The following HSD17B13 variants were observed in gnomAD, a reference collection of about 807,000 sequenced individuals.
HSD17B13 encodes the protein hydroxysteroid 17-beta dehydrogenase 13, also known as 17-beta-hydroxysteroid dehydrogenase 13.
Under a neutral mutation model 31.1 loss-of-function variants are expected in HSD17B13, and 26 were observed. The ratio of observed to expected loss-of-function variants is 0.84; its 90% CI spans 0.61 to 1.16. The LOEUF (loss-of-function observed/expected upper bound fraction) is 1.16, where lower values mean the gene tolerates loss of function less well. Ranked by LOEUF, HSD17B13 falls within the 50% of genes most tolerant of loss-of-function variation. The pLI is 0.00. For synonymous variants in HSD17B13, 141 were observed against 133.7 expected (o/e 1.05, Z -0.38); for missense variants, 374 against 366.5 (o/e 1.02, Z -0.17).
intron 1 of HSD17B13, among the ~76,000 whole-genome samples, chr4:87,322,082 T>C (rs1734800648): frequency 6.6e-6 from 1 of 152,248 alleles, no homozygotes; most frequent in African/African-American, 2.4e-5. Context: ...AACACAGTTA[T>C]TGTTTATCAT....
At position 87,317,093 on chromosome 4, in the gene HSD17B13, C is replaced by G. The variant is rs2110102704; in HGVS notation, c.449G>C (p.Trp150Ser). 2 of 1,613,830 alleles carry G rather than the reference C, an allele frequency of 1.2e-6. No individual in the cohort carries two copies. Among genetic ancestry groups the G allele is most frequent in the African/African-American group, 2.7e-5 (2 of 75,044 alleles). The change falls in exon 3 of 7, where the codon TGG (tryptophan) becomes TCG (serine). Residue 150 changes from tryptophan to serine, a missense_variant and splice_region_variant. Trp to Ser is a radical substitution (Grantham distance 177). Coordinates refer to ENST00000328546, the MANE Select transcript of HSD17B13 (RefSeq NM_178135.5). ...GAAATGTTTCTGACTCACACTCACC[C>G]AAAAATGTCCTAGGATGTTGACCTC... ...TFEVNILGHFWITKALLPSMM... is the reference protein window; with the variant it reads ...TFEVNILGHFSITKALLPSMM...
In HSD17B13 at chr4:87,310,226, T is replaced by C. The variant is rs765884281; in HGVS notation, c.812+17A>G. 5 of 1,536,840 alleles carry C rather than the reference T, an allele frequency of 3.3e-6. No homozygotes were observed. In the Admixed American group the frequency reaches 7.3e-5, roughly 23 times the overall value. On this transcript the variant is annotated intron_variant, in intron 6 of 6. Coordinates refer to ENST00000328546, the MANE Select transcript of HSD17B13 (RefSeq NM_178135.5). ...CTATTGGTGTTTTAGTATTTGGGTG[T>C]TCTGTGCTGTACTTACTTCTGTAGT...
chr4:87,310,195 A>C (rs1432198442), intron 6 of HSD17B13, 48 bp downstream of exon 6: 4 of 1,484,818 alleles, frequency 2.7e-6, no homozygotes, highest in Middle Eastern at 1.8e-4. Flanking sequence ...AGCAAAAAAA[A>C]AAGCTCTATT....
rs1015403609 is a variant in HSD17B13, at chr4:87,318,528, G to T, written c.211-92C>A. Reference sequence around the variant, plus strand: ...AGACAATTAACATTCGGCTAGGCGCGGTGGCTCACGCCTGTAATCCCAGCA... The same window carrying T: ...AGACAATTAACATTCGGCTAGGCGCTGTGGCTCACGCCTGTAATCCCAGCA... On this transcript the variant is annotated intron_variant, in intron 1 of 6. Transcript: ENST00000328546. The T allele has an allele frequency of 2.2e-5, 22 of 997,242 alleles. No individual in the cohort carries two copies. In the South Asian group the frequency reaches 2.3e-4, roughly 10 times the overall value. 61.8% of individuals were successfully genotyped at this position (997,242 alleles called of 1,614,324 possible).
rs1352616424 is a variant in HSD17B13 at position 87,313,963 on chromosome 4, G to A, written c.558-3C>T. The A allele has an allele frequency of 6.5e-7, 1 of 1,547,070 alleles. No individual in the cohort carries two copies. The highest frequency in any genetic ancestry group is 2.4e-5 in the East Asian group (1 of 41,024). ...CAACAGCGGCAAATTTGCTGGAACT[G>A]TAAGAGAATTATTAAGCATTGTTAG... On this transcript the variant is annotated splice_region_variant and splice_polypyrimidine_tract_variant and intron_variant, in intron 4 of 6. Transcript: ENST00000328546.
chr4:87,313,756 A>G, intron 5 of HSD17B13, 67 bp downstream of exon 5: 1 of 1,360,898 alleles, frequency 7.3e-7, no homozygotes, highest in Non-Finnish European at 1.0e-6. Context: ...CTGCCTAAAC[A>G]TTTCTCATTA....
chr4:87,306,730 C>A (rs1184176251), intron 6 of HSD17B13, among the ~76,000 whole-genome samples: 1 of 151,650 alleles, frequency 6.6e-6, no homozygotes, highest in Non-Finnish European at 1.5e-5. Context: ...CATGGTGAAA[C>A]CCTGTCTCTA....
intron 2 of HSD17B13, 77 bp downstream of exon 2, chr4:87,318,252 A>G: frequency 9.2e-7 from 1 of 1,083,640 alleles, no homozygotes; most frequent in Non-Finnish European, 1.4e-6. Flanking sequence ...GGCAGTCATA[A>G]AGACCTTTCT....
At position 87,318,457 on chromosome 4, in the gene HSD17B13, A is replaced by G. The variant is rs13118664; in HGVS notation, c.211-21T>C. On this transcript the variant is annotated intron_variant, in intron 1 of 6. Coordinates refer to ENST00000328546, the MANE Select transcript of HSD17B13 (RefSeq NM_178135.5). ...CCGCGCTGTAATTAGGAAGAAACAA[A>G]TTCCGAAAAAAGTGGAGGAGAAGAC... is the stretch of plus-strand genomic sequence containing the variant. The G allele has an allele frequency of 1.2e-5, 19 of 1,607,750 alleles. No individual in the cohort carries two copies. In the African/African-American group the frequency reaches 2.3e-4, roughly 19 times the overall value.
At position 87,310,295 on chromosome 4, in the gene HSD17B13, T is replaced by C. The variant is rs761212493; in HGVS notation, c.760A>G (p.Lys254Glu). The part of the protein sequence containing the change: ...RSLIDGILTN[K>E]KMIFVPSYIN... ...TACGATGGAACAAAAATCATTTTCTTATTGGTAAGTATTCCATCTATCAGA... is the reference window on the plus strand; with the variant it reads ...TACGATGGAACAAAAATCATTTTCTCATTGGTAAGTATTCCATCTATCAGA... The change falls in exon 6 of 7, where the codon AAG becomes GAG. Residue 254 changes from lysine to glutamate, a missense_variant. Lys to Glu is a moderately conservative substitution (Grantham distance 56). Coordinates refer to ENST00000328546, the MANE Select transcript of HSD17B13 (RefSeq NM_178135.5). The C allele has an allele frequency of 4.4e-6, 7 of 1,582,118 alleles. No individual in the cohort carries two copies. The highest frequency in any genetic ancestry group is 5.1e-6 in the Non-Finnish European group (6 of 1,168,152).
chr4:87,304,807 G>A lies in HSD17B13; in HGVS notation c.*411C>T, dbSNP rs1734349881. 6.5e-6 allele frequency: 1 copy of A among 153,260 alleles called. No homozygotes were observed. The allele number at this position is 153,260 out of a possible 1,614,324, so 9.5% of individuals were successfully genotyped here. On this transcript the variant is annotated 3_prime_UTR_variant, in exon 7 of 7. Transcript: ENST00000328546. ...TCTCTTAGCTGTGCACTCATTCTGT[G>A]TTCTTGTTGATATTCTGTGGCATGG... is the stretch of plus-strand genomic sequence containing the variant.
At chr4:87,314,879 G>GT (rs1306738126) in intron 4 of HSD17B13, among the ~76,000 whole-genome samples, 1 of 152,166 alleles carries the variant, frequency 6.6e-6, no homozygotes, top group Admixed American at 6.6e-5. Flanking sequence ...CTACAGAGGA[G>GT]TTTGCAGAAA....
rs184682066 is a variant in HSD17B13 at position 87,312,782 on chromosome 4, G to A, written c.695+1041C>T. 7.3e-3 allele frequency among the ~76,000 whole-genome samples: 1,111 copies of A among 151,406 alleles called. 13 individuals carry two copies. Among genetic ancestry groups the A allele is most frequent in the African/African-American group, 0.026 (1,060 of 41,360 alleles). The stretch of plus-strand genomic sequence containing the variant: ...TCTTTAAAAACTTATTTTTTTGGCC[G>A]GGCATGGTGGCTCACTCCTGTAATC... On this transcript the variant is annotated intron_variant, in intron 5 of 6. Transcript: ENST00000328546.
chr4:87,316,940 CTG>C (rs1382689611), intron 3 of HSD17B13, 150 bp downstream of exon 3: 2 of 715,282 alleles, frequency 2.8e-6, no homozygotes, highest in Admixed American at 2.6e-5. Context: ...GTCAGAGACT[CTG>C]TGGCTCTTCT....
chr4:87,309,661 A>T (rs1376928526), intron 6 of HSD17B13, among the ~76,000 whole-genome samples: 1 of 152,162 alleles, frequency 6.6e-6, no homozygotes, highest in Non-Finnish European at 1.5e-5. Flanking sequence ...TAACTACTTC[A>T]CTATATTGCA....
chr4:87,308,501 A>T (rs867200642), intron 6 of HSD17B13, among the ~76,000 whole-genome samples: 184 of 80,614 alleles, frequency 2.3e-3, no homozygotes, highest in African/African-American at 0.011. Flanking sequence ...AAAAAAAAAA[A>T]AAAAAAAAAA....
chr4:87,318,497 AT>A, intron 1 of HSD17B13, 61 bp from the exon 2 acceptor site: 1 of 1,399,218 alleles, frequency 7.1e-7, no homozygotes, highest in Non-Finnish European at 1.0e-6. Context: ...GAGAAGAAAA[AT>A]TTTTAGACAA....
At chr4:87,314,005 C>A in intron 4 of HSD17B13, 45 bp from the exon 5 acceptor site, 1 of 1,423,972 alleles carries the variant, frequency 7.0e-7, no homozygotes, top group Non-Finnish European at 9.3e-7. Flanking sequence ...GAGAGTGAAA[C>A]CAATCCTCAG....
chr4:87,316,942 G>C, intron 3 of HSD17B13, 150 bp downstream of exon 3: 2 of 723,648 alleles, frequency 2.8e-6, no homozygotes, highest in South Asian at 3.7e-5. Context: ...CAGAGACTCT[G>C]TGGCTCTTCT....
Sources: allele counts gnomAD v4.1 joint callset (sites outside exome capture counted in the v4.1 genomes callset), GRCh38; gene constraint gnomAD v4.1.1; transcripts MANE v1.5; gene names NCBI Gene and HGNC (gene_info 2026-07-23, HGNC 2026-07-21).